PTPRD: variants seen among roughly 807,000 people sequenced by gnomAD.
PTPRD encodes protein tyrosine phosphatase receptor type D.
Under a neutral mutation model 214.5 loss-of-function variants are expected in PTPRD, and 34 were observed. The ratio of observed to expected loss-of-function variants is 0.16; its 90% CI spans 0.12 to 0.21. The LOEUF (loss-of-function observed/expected upper bound fraction) is 0.21, where lower values mean the gene tolerates loss of function less well. Among genes scored for constraint, PTPRD ranks in the 10% least tolerant of loss-of-function variants. The pLI, the probability that PTPRD is intolerant of heterozygous loss-of-function variation, is 1.00. For synonymous variants in PTPRD, 1,128 were observed against 845.7 expected, an observed-to-expected ratio of 1.33 and a Z score of -5.79; for missense variants, 2,545 against 2,398.7, an observed-to-expected ratio of 1.06 and a Z score of -1.27.
chr9:10,561,707 G>T (rs2064019531), intron 2 of PTPRD, among the ~76,000 whole-genome samples: 1 of 151,954 alleles, frequency 6.6e-6, no homozygotes, highest in Non-Finnish European at 1.5e-5. Context: ...TCCTCAGAAG[G>T]TTTCACTTTT....
intron 10 of PTPRD, among the ~76,000 whole-genome samples, chr9:9,026,963 T>C (rs1481505910): frequency 6.6e-6 from 1 of 151,524 alleles, no homozygotes; most frequent in Non-Finnish European, 1.5e-5. Flanking sequence ...TTAAACTTAC[T>C]TTTGTCTGTT....
rs921071426 is a variant in PTPRD at position 9,872,586 on chromosome 9, T to G, written c.-368+65921A>C. ...GCCTGGGCAACAGAGCAAGGCCCTG[T>G]GTCAAAACAACCACCACCACCACCA... On this transcript the variant is annotated intron_variant, in intron 5 of 45. Transcript: ENST00000381196. Among the ~76,000 whole-genome samples the G allele has an allele frequency of 1.3e-5, 2 of 151,954 alleles. 1 individual carries two copies. The highest frequency in any genetic ancestry group is 1.3e-4 in the Admixed American group (2 of 15,232).
chr9:10,433,543 G>A (rs1452513368), intron 2 of PTPRD, among the ~76,000 whole-genome samples: 1 of 151,870 alleles, frequency 6.6e-6, no homozygotes, highest in African/African-American at 2.4e-5. Flanking sequence ...GAAGAAATAT[G>A]CTCTTATGTC....
intron 35 of PTPRD, among the ~76,000 whole-genome samples, chr9:8,423,636 A>G (rs959577362): frequency 1.4e-4 from 21 of 152,096 alleles, no homozygotes; most frequent in African/African-American, 4.8e-4. Flanking sequence ...CTGACTCGTG[A>G]TATGTAGTGA....
intron 10 of PTPRD, among the ~76,000 whole-genome samples, chr9:9,040,324 G>A (rs977666119): frequency 1.4e-4 from 21 of 152,104 alleles, no homozygotes; most frequent in African/African-American, 5.1e-4. Flanking sequence ...AGAGTCTTCT[G>A]GTGATGGGCT....
intron 8 of PTPRD, among the ~76,000 whole-genome samples, chr9:9,573,732 T>C (rs1239089856): frequency 4.0e-5 from 6 of 151,840 alleles, no homozygotes; most frequent in South Asian, 2.1e-4. Context: ...AAAGTCCTCC[T>C]GGTAGAGCAG....
intron 21 of PTPRD, among the ~76,000 whole-genome samples, chr9:8,516,833 T>A (rs1180849555): frequency 7.6e-6 from 1 of 132,196 alleles, no homozygotes; most frequent in African/African-American, 2.9e-5. Context: ...TGAGATGGAG[T>A]CTTGCTGTCA....
intron 9 of PTPRD, among the ~76,000 whole-genome samples, chr9:9,350,379 A>G (rs2050650399): frequency 6.6e-6 from 1 of 152,020 alleles, no homozygotes; most frequent in Non-Finnish European, 1.5e-5. Context: ...GGACAAATGG[A>G]CATTTATTCT....
rs371582630 is a variant in PTPRD, at chr9:8,499,769, A to G, written c.2200T>C (p.Ser734Pro). Residue 734 changes from serine to proline, a missense_variant, in exon 25 of 46, where the codon TCA becomes CCA. Physicochemically the swap from Ser to Pro is moderately conservative, Grantham distance 74 (BLOSUM62 -1). Transcript: ENST00000381196. ...NSTSVKVSWRSPVPNKQHGQI... is the reference protein window; with the variant it reads ...NSTSVKVSWRPPVPNKQHGQI... The stretch of plus-strand genomic sequence containing the variant: ...CCATGCTGTTTATTGGGCACGGGTG[A>G]GCGCCATGAGACTTTAACAGATGTT... 5 of 1,613,924 alleles carry G rather than the reference A, an allele frequency of 3.1e-6. No homozygotes were observed. The African/African-American group carries it at 6.7e-5, about 22-fold the overall frequency.
At chr9:8,687,836 G>A (rs1004255550) in intron 12 of PTPRD, among the ~76,000 whole-genome samples, 1 of 151,256 alleles carries the variant, frequency 6.6e-6, no homozygotes, top group African/African-American at 2.4e-5. Flanking sequence ...GTACATCAGT[G>A]TCTACATTTG....
At chr9:9,643,644 C>T (rs527389035) in intron 7 of PTPRD, among the ~76,000 whole-genome samples, 34 of 152,166 alleles carry the variant, frequency 2.2e-4, no homozygotes, top group Admixed American at 1.3e-3. Context: ...GAGAATCAAA[C>T]GAACAAAATC....
At chr9:9,933,222 TAACAATATTAACTTTAAATGTA>T (rs1295330463) in intron 5 of PTPRD, among the ~76,000 whole-genome samples, 1 of 152,130 alleles carries the variant, frequency 6.6e-6, no homozygotes, top group Non-Finnish European at 1.5e-5. Context: ...AATTCACACA[TAACAATATTAACTTTAAATGTA>T]AATGGAGTAC....
chr9:10,162,669 G>A (rs934368530), intron 3 of PTPRD, among the ~76,000 whole-genome samples: 5 of 145,178 alleles, frequency 3.4e-5, no homozygotes, highest in South Asian at 4.3e-4. Context: ...ACATGTATAT[G>A]TATATACATG....
intron 14 of PTPRD, among the ~76,000 whole-genome samples, chr9:8,580,667 T>C (rs1160430316): frequency 2.6e-5 from 4 of 152,110 alleles, no homozygotes; most frequent in East Asian, 3.9e-4. Flanking sequence ...AGTGAGAAAA[T>C]TGTGTAATTA....
At chr9:8,560,394 G>C (rs946810401) in intron 14 of PTPRD, among the ~76,000 whole-genome samples, 11 of 150,954 alleles carry the variant, frequency 7.3e-5, no homozygotes, top group East Asian at 2.0e-4. Flanking sequence ...AGGTAATTTA[G>C]ACAGAGGCAA....
Position 10,003,884 on chromosome 9 carries a change from G to A in PTPRD, c.-472+29834C>T, listed in dbSNP as rs142311439. ...CAAATTTTAAAAAGCCGACATACCC[G>A]ATTTATTTGCTTACAGACCCTAATA... is the stretch of plus-strand genomic sequence containing the variant. On this transcript the variant is annotated intron_variant, in intron 4 of 45. Coordinates refer to ENST00000381196, the MANE Select transcript of PTPRD (RefSeq NM_002839.4). Among the ~76,000 whole-genome samples, 717 of 151,448 alleles carry A rather than the reference G, an allele frequency of 4.7e-3. 11 individuals carry two copies. Among genetic ancestry groups the A allele is most frequent in the African/African-American group, 0.016 (674 of 41,358 alleles).
intron 11 of PTPRD, among the ~76,000 whole-genome samples, chr9:8,827,533 G>C (rs2097200592): frequency 6.6e-6 from 1 of 152,286 alleles, no homozygotes; most frequent in African/African-American, 2.4e-5. Context: ...CTTGAACCCA[G>C]GAGGCAGAGG....
intron 11 of PTPRD, among the ~76,000 whole-genome samples, chr9:8,943,930 C>T (rs2099048706): frequency 6.6e-6 from 1 of 151,798 alleles, no homozygotes. Flanking sequence ...AGCTTCTGCA[C>T]AGCAAAGGGA....
chr9:8,387,644 G>T (rs926749637), intron 37 of PTPRD, among the ~76,000 whole-genome samples: 6 of 152,152 alleles, frequency 3.9e-5, no homozygotes, highest in Non-Finnish European at 5.9e-5. Context: ...GGTGAAGCAC[G>T]TGTGTTCTGG....
Sources: gnomAD v4.1 joint callset for allele counts (sites outside exome capture counted in the v4.1 genomes callset) on GRCh38, gnomAD v4.1.1 for gene constraint, MANE v1.5 for transcripts, NCBI Gene and HGNC (gene_info 2026-07-23, HGNC 2026-07-21) for gene names.